TTC21B: variants seen among roughly 807,000 people sequenced by gnomAD.
The protein encoded by TTC21B is tetratricopeptide repeat protein 21B.
In TTC21B, 127 loss-of-function variants were observed where a neutral mutation model predicts 175.1. The observed-to-expected ratio is 0.73, with a 90% confidence interval of 0.63 to 0.84. The LOEUF is 0.84. Among genes scored for constraint, TTC21B ranks in the 40% least tolerant of loss-of-function variants. TTC21B has a pLI of 0.00. For synonymous variants in TTC21B, 524 were observed against 524.5 expected (o/e 1.00, Z 0.01); for missense variants, 1,561 against 1,558.3 (o/e 1.00, Z -0.03).
chr2:165,939,732 A>T (rs940525193), intron 6 of TTC21B, among the ~76,000 whole-genome samples: 1 of 152,102 alleles, frequency 6.6e-6, no homozygotes, highest in Admixed American at 6.6e-5. Context: ...AGGCATTTCA[A>T]ACTTACAATG....
intron 6 of TTC21B, among the ~76,000 whole-genome samples, chr2:165,937,870 T>C (rs1687215567): frequency 6.7e-6 from 1 of 148,762 alleles, no homozygotes; most frequent in African/African-American, 2.5e-5. Context: ...AAAAAATTAC[T>C]AGTACCCTAA....
Position 165,901,832 on chromosome 2 carries a change from C to T in TTC21B, c.2647G>A (p.Ala883Thr). Residue 883 changes from alanine to threonine, a missense_variant, in exon 20 of 29, where the codon GCA (alanine) becomes ACA (threonine). Transcript: ENST00000243344. ...GCAATCTCTGCACAAATTTCAGCTG[C>T]TAAATGTTTCTGTGCAGGAACTGCA... is the stretch of plus-strand genomic sequence containing the variant. ...PDAVPAQKHL[A>T]AEICAEIAKH... 6.2e-7 allele frequency: 1 copy of T among 1,613,934 alleles called. No individual in the cohort carries two copies. The highest frequency in any genetic ancestry group is 8.5e-7 in the Non-Finnish European group (1 of 1,179,980).
intron 27 of TTC21B, among the ~76,000 whole-genome samples, chr2:165,877,080 A>G (rs1398331459): frequency 6.6e-6 from 1 of 152,232 alleles, no homozygotes; most frequent in Non-Finnish European, 1.5e-5. Flanking sequence ...CTCTTGTAAC[A>G]TGCTATAAAA....
chr2:165,927,300 ATATATATTATATAT>A (rs1173938712), intron 11 of TTC21B, among the ~76,000 whole-genome samples: 1 of 105,490 alleles, frequency 9.5e-6, no homozygotes, highest in Non-Finnish European at 1.8e-5. Context: ...GTAGTTATAT[ATATATATTATATAT>A]TATATAATAT....
At chr2:165,951,633 A>C (rs1160515485) in intron 1 of TTC21B, among the ~76,000 whole-genome samples, 1 of 152,118 alleles carries the variant, frequency 6.6e-6, no homozygotes, top group Non-Finnish European at 1.5e-5. Flanking sequence ...ACCTAATGCT[A>C]CTGCCTTGGT....
At chr2:165,948,311 GT>G (rs1397281828) in intron 3 of TTC21B, 1 of 152,112 alleles carries the variant, frequency 6.6e-6, no homozygotes, top group African/African-American at 2.4e-5. Context: ...TAATCTTTGT[GT>G]TTTTTACATT....
At chr2:165,883,431 A>C (rs528679689) in intron 26 of TTC21B, among the ~76,000 whole-genome samples, 72 of 152,292 alleles carry the variant, frequency 4.7e-4, no homozygotes, top group Non-Finnish European at 9.4e-4. Context: ...ATTCATCAAG[A>C]GTATTTCTTA....
chr2:165,951,449 A>T (rs1236759940), intron 1 of TTC21B, among the ~76,000 whole-genome samples: 4 of 149,424 alleles, frequency 2.7e-5, no homozygotes, highest in African/African-American at 9.8e-5. Flanking sequence ...TTAATGGAAT[A>T]AAAAAAAAAT....
At position 165,888,394 on chromosome 2, in the gene TTC21B, G is replaced by A. The variant is rs1307274284; in HGVS notation, c.3344C>T (p.Thr1115Ile). Residue 1115 changes from threonine (T) to isoleucine (I), a missense_variant, in exon 25 of 29, where the codon ACT becomes ATT. Physicochemically the swap from Thr to Ile is moderately conservative, Grantham distance 89. Coordinates refer to ENST00000243344, the MANE Select transcript of TTC21B (RefSeq NM_024753.5). The stretch of plus-strand genomic sequence containing the variant: ...GCGAAGCTGTACGTGACCCTGAACA[G>A]TCTGAGGTTTTAGTTCCTTAAGAAG... Reference protein sequence around the residue: ...EKLLKELKPQTVQGHVQLRIM... With the variant: ...EKLLKELKPQIVQGHVQLRIM... 2 of 1,613,860 alleles carry A rather than the reference G, an allele frequency of 1.2e-6. No individual in the cohort carries two copies. Among genetic ancestry groups the A allele is most frequent in the Non-Finnish European group, 1.7e-6 (2 of 1,179,824 alleles).
In TTC21B at chr2:165,919,293, G is replaced by A. The variant is rs766283222; in HGVS notation, c.1657C>T (p.Leu553=). 9 of 1,613,988 alleles carry A rather than the reference G, an allele frequency of 5.6e-6. No homozygotes were observed. In the South Asian group the frequency reaches 9.9e-5, roughly 18 times the overall value. The change falls in exon 13 of 29, where the codon CTG becomes TTG. Residue 553 remains leucine (L), a synonymous_variant. Transcript: ENST00000243344. ...KLCSQSLELC[L]SYDFKVRDYP... The stretch of plus-strand genomic sequence containing the variant: ...ATACTTACCTTAAAATCATAGCTCA[G>A]ACAAAGTTCAAGAGACTGAGAACAC...
chr2:165,921,522 C>T (rs1686404231), intron 12 of TTC21B, among the ~76,000 whole-genome samples: 1 of 152,118 alleles, frequency 6.6e-6, no homozygotes, highest in South Asian at 2.1e-4. Context: ...TTCTTGAATT[C>T]TGTGATTCAT....
At chr2:165,928,998 C>T (rs1271636442) in intron 11 of TTC21B, 137 bp downstream of exon 11, 2 of 777,462 alleles carry the variant, frequency 2.6e-6, no homozygotes, top group East Asian at 2.7e-5. Context: ...TGATTAAAAG[C>T]GATTTCAACT....
At chr2:165,890,191 A>T (rs1339451932) in intron 24 of TTC21B, among the ~76,000 whole-genome samples, 2 of 152,184 alleles carry the variant, frequency 1.3e-5, no homozygotes, top group Admixed American at 6.5e-5. Flanking sequence ...CAAATTCTAC[A>T]ATTAGGGGAG....
intron 5 of TTC21B, 64 bp downstream of exon 5, chr2:165,943,155 C>T (rs1278386565): frequency 1.3e-6 from 2 of 1,565,384 alleles, no homozygotes; most frequent in African/African-American, 2.7e-5. Context: ...TTGGTTTTGT[C>T]AGGTTTCAAA....
intron 11 of TTC21B, among the ~76,000 whole-genome samples, chr2:165,926,380 A>G (rs940929276): frequency 6.6e-6 from 1 of 152,144 alleles, no homozygotes; most frequent in African/African-American, 2.4e-5. Flanking sequence ...CATTGTACTC[A>G]GAATTAAGGC....
chr2:165,875,500 T>A (rs890684728), intron 28 of TTC21B, among the ~76,000 whole-genome samples: 4 of 152,148 alleles, frequency 2.6e-5, no homozygotes, highest in Non-Finnish European at 5.9e-5. Flanking sequence ...TAATAGAATG[T>A]CTTATATGGA....
chr2:165,950,459 C>T (rs1171838166), intron 1 of TTC21B, among the ~76,000 whole-genome samples: 1 of 152,208 alleles, frequency 6.6e-6, no homozygotes, highest in Non-Finnish European at 1.5e-5. Flanking sequence ...AGAAACCACA[C>T]TTTCCCACCA....
chr2:165,911,072 AT>A (rs1685915901), intron 18 of TTC21B, among the ~76,000 whole-genome samples: 1 of 152,196 alleles, frequency 6.6e-6, no homozygotes, highest in African/African-American at 2.4e-5. Context: ...GATAGCTGTA[AT>A]TTAAAGATAA....
At chr2:165,945,827 T>C (rs1687539297) in intron 3 of TTC21B, 137 bp from the exon 4 acceptor site, 1 of 767,180 alleles carries the variant, frequency 1.3e-6, no homozygotes, top group African/African-American at 1.8e-5. Flanking sequence ...GCAAGCCATA[T>C]ATGTAACTTA....
Sources: gnomAD v4.1 joint callset for allele counts (sites outside exome capture counted in the v4.1 genomes callset) on GRCh38, gnomAD v4.1.1 for gene constraint, MANE v1.5 for transcripts, NCBI Gene and HGNC (gene_info 2026-07-23, HGNC 2026-07-21) for gene names.